The following PATL1 variants were observed in gnomAD, a reference collection of about 807,000 sequenced individuals.
PATL1 encodes PAT1 homolog 1, processing body mRNA decay factor.
A neutral mutation model predicts 100.6 loss-of-function variants in PATL1; 32 were observed. The ratio of observed to expected loss-of-function variants is 0.32; its 90% confidence interval spans 0.24 to 0.43. The LOEUF (loss-of-function observed/expected upper bound fraction) is 0.43, where lower values mean the gene tolerates loss of function less well. PATL1 is among the 20% of genes least tolerant of loss of function. The pLI is 1.00. For missense variants in PATL1, 747 were observed against 949.9 expected (o/e 0.79, Z 2.81); for synonymous variants, 332 against 330.0 (o/e 1.01, Z -0.07).
chr11:59,659,054 T>C, intron 3 of PATL1, 108 bp from the exon 4 acceptor site: 1 of 1,092,500 alleles, frequency 9.2e-7, no homozygotes, highest in Non-Finnish European at 1.3e-6. Context: ...TGCTTTAGAA[T>C]ACGAAATTAT....
intron 2 of PATL1, among the ~76,000 whole-genome samples, chr11:59,664,561 T>C: frequency 6.6e-6 from 1 of 152,214 alleles, no homozygotes; most frequent in East Asian, 1.9e-4. Flanking sequence ...TTCTATGGTA[T>C]TCTATTTTTA....
intron 12 of PATL1, among the ~76,000 whole-genome samples, chr11:59,651,325 T>C (rs1269726856): frequency 1.3e-5 from 2 of 152,116 alleles, no homozygotes; most frequent in African/African-American, 4.8e-5. Context: ...AGCTACCCAA[T>C]CCAAAGACTC....
At chr11:59,660,120 C>T (rs1337444937) in intron 2 of PATL1, among the ~76,000 whole-genome samples, 1 of 152,168 alleles carries the variant, frequency 6.6e-6, no homozygotes, top group Non-Finnish European at 1.5e-5. Flanking sequence ...TATGACATTT[C>T]AAGCAAAAAC....
At position 59,669,022 on chromosome 11, in the gene PATL1, A is replaced by G. The variant is rs991959344; in HGVS notation, c.-127T>C. The G allele has an allele frequency of 4.1e-6, 1 of 244,292 alleles. No homozygotes were observed. 15.1% of individuals were successfully genotyped at this position (244,292 alleles called of 1,614,324 possible). On this transcript the variant is annotated 5_prime_UTR_variant, in exon 1 of 19. Coordinates refer to ENST00000300146, the MANE Select transcript of PATL1 (RefSeq NM_152716.3). ...ACCCCTGGCCGCCGCCGTACGCCGG[A>G]GCGTGCGTGGGGACGTGCGCAGGCG...
Position 59,642,861 on chromosome 11 carries a change from G to GT in PATL1, c.2049+18dup, listed in dbSNP as rs1175932343. On this transcript the variant is annotated intron_variant, in intron 16 of 18. Coordinates refer to ENST00000300146, the MANE Select transcript of PATL1 (RefSeq NM_152716.3). Reference sequence around the variant, plus strand: ...TAAGACATTTCACAAAGTTCAAGGAGTTAAAAGGGCAAGATCACCTTGTTC... The same window carrying GT: ...TAAGACATTTCACAAAGTTCAAGGAGTTTAAAAGGGCAAGATCACCTTGTTC... 1 of 1,604,838 alleles carries GT rather than the reference G, an allele frequency of 6.2e-7. No homozygotes were observed. The highest frequency in any genetic ancestry group is 1.1e-5 in the South Asian group (1 of 89,714).
chr11:59,653,151 A>G, intron 9 of PATL1, 133 bp from the exon 10 acceptor site: 1 of 730,476 alleles, frequency 1.4e-6, no homozygotes, highest in Non-Finnish European at 2.2e-6. Context: ...AGGGGAGTGA[A>G]AAAGAACTAA....
Position 59,658,942 on chromosome 11 carries a change from T to C in PATL1, c.350A>G (p.Gln117Arg), listed in dbSNP as rs2134756537. ...GATACTGGAATTCAGACTTCCTGGT[T>C]GGGGCTAACAAAAAAGGAAAACATA... ...AVQTRPVLQP[Q>R]PGSLNSSIWD... The change falls in exon 4 of 19, where the codon CAA becomes CGA. Residue 117 changes from glutamine to arginine, a missense_variant. Physicochemically the swap from Gln to Arg is conservative, Grantham distance 43. This residue lies in a region of PATL1 where 183 missense variants were observed against 221.2 expected (regional missense o/e 0.83). Coordinates refer to ENST00000300146, the MANE Select transcript of PATL1 (RefSeq NM_152716.3). 1 of 1,548,010 alleles carries C rather than the reference T, an allele frequency of 6.5e-7. No individual in the cohort carries two copies. Among genetic ancestry groups the C allele is most frequent in the African/African-American group, 1.4e-5 (1 of 72,852 alleles).
At chr11:59,652,379 C>T in intron 11 of PATL1, 85 bp downstream of exon 11, 2 of 1,465,650 alleles carry the variant, frequency 1.4e-6, no homozygotes, top group Non-Finnish European at 9.1e-7. Context: ...CATATCCTTC[C>T]ACATATACAC....
At position 59,654,796 on chromosome 11, in the gene PATL1, G is replaced by A. The variant is rs140491517; in HGVS notation, c.1032-724C>T. Among the ~76,000 whole-genome samples the A allele has an allele frequency of 6.5e-3, 995 of 152,260 alleles. 16 individuals carry two copies. The highest frequency in any genetic ancestry group is 0.023 in the African/African-American group (962 of 41,550). On this transcript the variant is annotated intron_variant, in intron 8 of 18. Transcript: ENST00000300146. ...AAACACTGTTTAGATGTTGCTGTGAGGGTATTTTGTAAAGATGTGATTAAC... is the reference window on the plus strand; with the variant it reads ...AAACACTGTTTAGATGTTGCTGTGAAGGTATTTTGTAAAGATGTGATTAAC...
chr11:59,657,234 A>C, intron 5 of PATL1: 6 of 737,012 alleles, frequency 8.1e-6, no homozygotes, highest in East Asian at 1.3e-4. Flanking sequence ...GCTTTCAGTT[A>C]TCTCTCTGAC....
At chr11:59,650,894 T>A (rs1166235578) in intron 12 of PATL1, 81 bp from the exon 13 acceptor site, 13 of 949,604 alleles carry the variant, frequency 1.4e-5, no homozygotes, top group Non-Finnish European at 1.3e-5. Flanking sequence ...TAGGTTCATT[T>A]GTGACAATAC....
chr11:59,665,627 GTC>G (rs1256075544), intron 2 of PATL1, among the ~76,000 whole-genome samples: 1 of 151,900 alleles, frequency 6.6e-6, no homozygotes, highest in Admixed American at 6.6e-5. Flanking sequence ...GAGAAACCCT[GTC>G]TCTACTAAAA....
chr11:59,653,011 G>A lies in PATL1; in HGVS notation c.1129C>T (p.Arg377Trp), dbSNP rs777379785. ...CTATCTCCCGCACCATTGAGATTCC[G>A]ATGCTGACTGAAAAACATACACCAC... ...QRQQQNRSQHRNLNGAGDRGS... is the reference protein window; with the variant it reads ...QRQQQNRSQHWNLNGAGDRGS... The change falls in exon 10 of 19, where the codon CGG becomes TGG. Residue 377 changes from arginine to tryptophan, a missense_variant. Around this residue, in one of 4 missense-constraint regions of PATL1, gnomAD observed 434 missense variants for 596.1 expected, o/e 0.73. Coordinates refer to ENST00000300146, the MANE Select transcript of PATL1 (RefSeq NM_152716.3). 4.3e-6 allele frequency: 7 copies of A among 1,609,292 alleles called. No homozygotes were observed. The highest frequency in any genetic ancestry group is 3.3e-5 in the South Asian group (3 of 90,714).
Position 59,638,108 on chromosome 11 carries a change from G to A in PATL1, c.*282C>T. The stretch of plus-strand genomic sequence containing the variant: ...GGGAGAGATTACACTTGTGTCTCTA[G>A]GGCAAAGAAAATGCAAAACAGAACT... On this transcript the variant is annotated 3_prime_UTR_variant, in exon 19 of 19. Coordinates refer to ENST00000300146, the MANE Select transcript of PATL1 (RefSeq NM_152716.3). 2.1e-6 allele frequency: 1 copy of A among 481,254 alleles called. No individual in the cohort carries two copies. The highest frequency in any genetic ancestry group is 3.8e-6 in the Non-Finnish European group (1 of 264,370). The allele number at this position is 481,254 out of a possible 1,614,324, so 29.8% of individuals were successfully genotyped here. A position where few individuals can be genotyped will look rare whatever the true frequency, so the allele number is the denominator to read the frequency against.
intron 15 of PATL1, among the ~76,000 whole-genome samples, chr11:59,645,813 C>G (rs564115427): frequency 6.6e-6 from 1 of 152,222 alleles, no homozygotes; most frequent in African/African-American, 2.4e-5. Context: ...CTCTAGTAAT[C>G]TATTAACTTC....
chr11:59,652,056 C>A (rs1462388563), intron 11 of PATL1, among the ~76,000 whole-genome samples: 2 of 66,748 alleles, frequency 3.0e-5, no homozygotes, highest in Non-Finnish European at 4.9e-5. Context: ...CAGAGTAAGG[C>A]TCTTTCTCAA....
chr11:59,666,391 A>G (rs1590706051), intron 2 of PATL1, among the ~76,000 whole-genome samples: 1 of 152,250 alleles, frequency 6.6e-6, no homozygotes, highest in African/African-American at 2.4e-5. Context: ...TGAAGATACT[A>G]TAAGTTGCAA....
chr11:59,656,629 A>G (rs377409268), intron 5 of PATL1, 29 bp from the exon 6 acceptor site: 8 of 1,583,638 alleles, frequency 5.1e-6, no homozygotes, highest in East Asian at 2.2e-5. Context: ...ATACAACTAC[A>G]CTCAATGAAA....
At chr11:59,652,636 T>C (rs1396029285) in intron 10 of PATL1, 49 bp from the exon 11 acceptor site, 1 of 1,593,378 alleles carries the variant, frequency 6.3e-7, no homozygotes, top group Non-Finnish European at 8.5e-7. Context: ...AGAACACGAC[T>C]GTTGTTTACC....
Sources: allele counts gnomAD v4.1 joint callset (sites outside exome capture counted in the v4.1 genomes callset), GRCh38; gene constraint gnomAD v4.1.1; regional missense constraint gnomAD v4.1.1; transcripts MANE v1.5; gene names NCBI Gene and HGNC (gene_info 2026-07-23, HGNC 2026-07-21).